Variants in NCAM2 observed in about 807,000 individuals in gnomAD.
NCAM2 encodes the protein neural cell adhesion molecule 2, also known as N-CAM-2.
Under a neutral mutation model 98.1 loss-of-function variants are expected in NCAM2, and 30 were observed. The observed-to-expected ratio is 0.31, with a 90% confidence interval of 0.23 to 0.41. The LOEUF (loss-of-function observed/expected upper bound fraction) is 0.41. NCAM2 is among the 10% of genes least tolerant of loss of function. NCAM2 has a pLI of 1.00. For synonymous variants in NCAM2, 368 were observed against 342.4 expected (o/e 1.07, Z -0.83); for missense variants, 867 against 1,005.8 (o/e 0.86, Z 1.87).
rs933841543 is a variant in NCAM2, at chr21:21,181,881, A to G, written c.56-98697A>G. ...CATAGGATGTAATCTCTGTTACCAC[A>G]GGAAATAATTTTTGTTTAATATTGT... On this transcript the variant is annotated intron_variant, in intron 1 of 17. Coordinates refer to ENST00000400546, the MANE Select transcript of NCAM2 (RefSeq NM_004540.5). Among the ~76,000 whole-genome samples the G allele has an allele frequency of 5.9e-5, 9 of 152,100 alleles. No individual in the cohort carries two copies. The South Asian group carries it at 1.9e-3, about 32-fold the overall frequency.
chr21:21,156,989 T>C (rs1601522959), intron 1 of NCAM2, among the ~76,000 whole-genome samples: 1 of 152,200 alleles, frequency 6.6e-6, no homozygotes, highest in East Asian at 1.9e-4. Flanking sequence ...TTGGTAAAAA[T>C]TTCAAGTTTC....
intron 1 of NCAM2, among the ~76,000 whole-genome samples, chr21:21,217,359 G>A (rs1277685487): frequency 2.0e-5 from 3 of 152,134 alleles, no homozygotes; most frequent in Non-Finnish European, 4.4e-5. Context: ...ATCTGGCCTA[G>A]AAACATAGAA....
At chr21:21,087,581 C>A (rs987265584) in intron 1 of NCAM2, among the ~76,000 whole-genome samples, 4 of 152,078 alleles carry the variant, frequency 2.6e-5, no homozygotes, top group Admixed American at 6.5e-5. Flanking sequence ...GCCCAAAACT[C>A]TGTAATTAGT....
chr21:21,372,375 A>G (rs1280047374), intron 8 of NCAM2, among the ~76,000 whole-genome samples: 2 of 151,820 alleles, frequency 1.3e-5, no homozygotes, highest in Non-Finnish European at 2.9e-5. Flanking sequence ...AAAGGATGGA[A>G]TAATAATGTA....
At chr21:21,075,766 G>A (rs577691271) in intron 1 of NCAM2, among the ~76,000 whole-genome samples, 1 of 152,156 alleles carries the variant, frequency 6.6e-6, no homozygotes, top group East Asian at 1.9e-4. Context: ...TAAACATATA[G>A]TTTTTCTCCT....
At chr21:21,438,647 A>G (rs1978756237) in intron 12 of NCAM2, among the ~76,000 whole-genome samples, 1 of 152,196 alleles carries the variant, frequency 6.6e-6, no homozygotes, top group Admixed American at 6.5e-5. Context: ...GGGAAGCTAC[A>G]GGATGTATTC....
chr21:21,007,793 T>G (rs1398771438), intron 1 of NCAM2, among the ~76,000 whole-genome samples: 1 of 152,150 alleles, frequency 6.6e-6, no homozygotes, highest in East Asian at 1.9e-4. Context: ...CTTTATGACC[T>G]GTATCTCGTG....
chr21:21,197,767 G>A (rs2069057386), intron 1 of NCAM2, among the ~76,000 whole-genome samples: 3 of 152,120 alleles, frequency 2.0e-5, no homozygotes, highest in South Asian at 4.1e-4. Flanking sequence ...GAGATGACTG[G>A]GATCATAAGA....
intron 1 of NCAM2, among the ~76,000 whole-genome samples, chr21:21,076,533 C>T (rs1465383769): frequency 1.3e-5 from 2 of 152,062 alleles, no homozygotes; most frequent in East Asian, 3.9e-4. Flanking sequence ...CTCTTCCGTC[C>T]TTTGTTTTTT....
intron 9 of NCAM2, among the ~76,000 whole-genome samples, chr21:21,403,899 A>G (rs1397871257): frequency 6.6e-6 from 1 of 152,160 alleles, no homozygotes; most frequent in East Asian, 1.9e-4. Context: ...TATAGAATGT[A>G]TGAGCTCTGT....
At chr21:21,485,007 G>GC (rs376337627) in intron 15 of NCAM2, among the ~76,000 whole-genome samples, 2,367 of 151,656 alleles carry the variant, frequency 0.016, 67 homozygotes, top group African/African-American at 0.055. Context: ...CACTACTATT[G>GC]TTTTTTTTAC....
At position 21,428,379 on chromosome 21, in the gene NCAM2, T is replaced by A. The variant is rs189676706; in HGVS notation, c.1481-3729T>A. ...GTATCTTTGCATACACCCAGTGCAT[T>A]AGATAATCCAGGATCCTGAACATGA... On this transcript the variant is annotated intron_variant, in intron 11 of 17. Transcript: ENST00000400546. 3.3e-3 allele frequency among the ~76,000 whole-genome samples: 499 copies of A among 152,298 alleles called. 5 individuals carry two copies. Among genetic ancestry groups the A allele is most frequent in the Non-Finnish European group, 4.5e-3 (305 of 68,010 alleles).
intron 15 of NCAM2, among the ~76,000 whole-genome samples, chr21:21,478,206 C>T (rs918154978): frequency 6.6e-6 from 1 of 152,030 alleles, no homozygotes; most frequent in African/African-American, 2.4e-5. Context: ...TCATGAGTTG[C>T]TAAATTGGTC....
At chr21:21,496,445 G>T (rs1009398629) in intron 15 of NCAM2, among the ~76,000 whole-genome samples, 1 of 151,750 alleles carries the variant, frequency 6.6e-6, no homozygotes, top group Admixed American at 6.6e-5. Flanking sequence ...TGTCCTTTGC[G>T]TATTCTTTAA....
At chr21:21,256,025 A>G (rs2071654632) in intron 1 of NCAM2, among the ~76,000 whole-genome samples, 2 of 152,204 alleles carry the variant, frequency 1.3e-5, no homozygotes, top group South Asian at 4.1e-4. Context: ...AATGTAGTGT[A>G]TACTGGGTTA....
intron 12 of NCAM2, among the ~76,000 whole-genome samples, 152 bp from the exon 13 acceptor site, chr21:21,466,452 CTT>C (rs1257241920): frequency 1.3e-5 from 2 of 151,982 alleles, no homozygotes; most frequent in Non-Finnish European, 2.9e-5. Context: ...TCTTATATGA[CTT>C]ATCTATTTTT....
chr21:21,342,729 A>C (rs555241154), intron 8 of NCAM2, among the ~76,000 whole-genome samples: 183 of 152,326 alleles, frequency 1.2e-3, no homozygotes, highest in African/African-American at 4.2e-3. Context: ...CTCTGTCTTG[A>C]TGGGGAAGGA....
At chr21:21,304,655 C>T (rs2073826427) in intron 5 of NCAM2, among the ~76,000 whole-genome samples, 2 of 152,076 alleles carry the variant, frequency 1.3e-5, no homozygotes, top group South Asian at 2.1e-4. Flanking sequence ...TGCACTAACA[C>T]ACACATACAC....
chr21:21,450,207 ATGAT>A (rs773605968), intron 12 of NCAM2, among the ~76,000 whole-genome samples: 2 of 152,072 alleles, frequency 1.3e-5, no homozygotes, highest in African/African-American at 4.8e-5. Context: ...CACTGAATAA[ATGAT>A]TGACAATACT....
Sources: allele counts gnomAD v4.1 joint callset (sites outside exome capture counted in the v4.1 genomes callset), GRCh38; gene constraint gnomAD v4.1.1; transcripts MANE v1.5; gene names NCBI Gene and HGNC (gene_info 2026-07-23, HGNC 2026-07-21).